Variants in LARGE1 observed in about 807,000 individuals in gnomAD.
The protein encoded by LARGE1 is LARGE xylosyl- and glucuronyltransferase 1.
Under a neutral mutation model 87.6 loss-of-function variants are expected in LARGE1, and 43 were observed. That is an observed-to-expected ratio of 0.49 (90% CI 0.38 to 0.63). The LOEUF (loss-of-function observed/expected upper bound fraction) is 0.63, where lower values mean the gene tolerates loss of function less well. Ranked by LOEUF, LARGE1 falls within the 30% of genes least tolerant of loss-of-function variation. The probability of loss-of-function intolerance (pLI) is 0.00; values close to 1 mark genes in which losing one functional copy is unlikely to be tolerated. For synonymous variants in LARGE1, 434 were observed against 394.6 expected (o/e 1.10, Z -1.18); for missense variants, 802 against 1,000.2 (o/e 0.80, Z 2.67).
At chr22:33,603,936 A>G (rs1192007058) in intron 5 of LARGE1, among the ~76,000 whole-genome samples, 1 of 152,178 alleles carries the variant, frequency 6.6e-6, no homozygotes, top group Non-Finnish European at 1.5e-5. Flanking sequence ...AGCACATTCA[A>G]ATATATTCTC....
At chr22:33,123,103 G>C in the LARGE1 span, among the ~76,000 whole-genome samples, 10 of 152,278 alleles carry the variant, frequency 6.6e-5, no homozygotes, top group African/African-American at 2.2e-4. Context: ...TCTAGCTGGA[G>C]CAGCTAGGAA....
At chr22:33,810,241 C>G (rs1487478754) in intron 1 of LARGE1, among the ~76,000 whole-genome samples, 1 of 152,164 alleles carries the variant, frequency 6.6e-6, no homozygotes, top group Admixed American at 6.5e-5. Context: ...AGAGAGTTTA[C>G]ACTGACCAAG....
chr22:33,432,112 T>C (rs1034316931), intron 7 of LARGE1, 49 bp downstream of exon 7: 1 of 1,426,618 alleles, frequency 7.0e-7, no homozygotes, highest in African/African-American at 1.4e-5. Flanking sequence ...GAGCACTGGG[T>C]CCTCATATCA....
intron 3 of LARGE1, among the ~76,000 whole-genome samples, chr22:33,634,674 A>AAAT (rs139108196): frequency 0.11 from 16,536 of 149,406 alleles, 928 homozygotes; most frequent in Middle Eastern, 0.16. Context: ...AAAAATTTCA[A>AAAT]AATAATAATA....
chr22:33,457,486 T>G (rs937019579), intron 6 of LARGE1, among the ~76,000 whole-genome samples: 4 of 151,706 alleles, frequency 2.6e-5, no homozygotes, highest in Non-Finnish European at 5.9e-5. Flanking sequence ...CAATAAACAT[T>G]TAATCAACAT....
intron 7 of LARGE1, among the ~76,000 whole-genome samples, chr22:33,405,352 A>C (rs1173344327): frequency 6.6e-6 from 1 of 152,168 alleles, no homozygotes; most frequent in African/African-American, 2.4e-5. Context: ...GCCAAGCTGG[A>C]GCCCACATCA....
chr22:33,304,217 G>T lies in LARGE1; in HGVS notation c.1730+12C>A. On this transcript the variant is annotated intron_variant, in intron 12 of 14. Transcript: ENST00000397394. The stretch of plus-strand genomic sequence containing the variant: ...CTTCTGGCCTGATGGCCAGGCCCCT[G>T]CAGGTCCTTACCTGAGGTACTCATA... The T allele has an allele frequency of 6.2e-7, 1 of 1,613,966 alleles. No individual in the cohort carries two copies. Among genetic ancestry groups the T allele is most frequent in the Non-Finnish European group, 8.5e-7 (1 of 1,180,002 alleles).
At chr22:33,331,783 C>T (rs77458388) in intron 10 of LARGE1, among the ~76,000 whole-genome samples, 1,930 of 152,220 alleles carry the variant, frequency 0.013, 49 homozygotes, top group African/African-American at 0.043. Flanking sequence ...AGTGATCATG[C>T]TTGTGTTGGC....
intron 11 of LARGE1, among the ~76,000 whole-genome samples, chr22:33,210,887 T>C (rs1004144604): frequency 1.3e-5 from 2 of 152,230 alleles, no homozygotes; most frequent in African/African-American, 4.8e-5. Context: ...CTTGCATTCA[T>C]TGGCTCTGGC....
chr22:33,789,709 T>G (rs901662848), intron 1 of LARGE1, among the ~76,000 whole-genome samples: 1 of 152,194 alleles, frequency 6.6e-6, no homozygotes, highest in African/African-American at 2.4e-5. Context: ...CTTCGGAGCT[T>G]TAAGATTTAA....
chr22:33,668,914 G>T (rs769370246), intron 2 of LARGE1, among the ~76,000 whole-genome samples: 1 of 152,172 alleles, frequency 6.6e-6, no homozygotes, highest in South Asian at 2.1e-4. Context: ...ATCCTCCCTC[G>T]CAATAATGGA....
At chr22:33,832,916 G>A (rs993691800) in intron 1 of LARGE1, among the ~76,000 whole-genome samples, 1 of 152,234 alleles carries the variant, frequency 6.6e-6, no homozygotes, top group African/African-American at 2.4e-5. Context: ...GACATGGCCT[G>A]GCAGGCACTA....
intron 14 of LARGE1, among the ~76,000 whole-genome samples, chr22:33,275,270 C>T (rs1440257844): frequency 1.3e-5 from 2 of 152,176 alleles, no homozygotes; most frequent in East Asian, 1.9e-4. Context: ...AAATAAAAGG[C>T]CTCTGAATAG....
intron 6 of LARGE1, among the ~76,000 whole-genome samples, chr22:33,490,538 G>A (rs577136542): frequency 6.6e-6 from 1 of 152,174 alleles, no homozygotes; most frequent in South Asian, 2.1e-4. Flanking sequence ...TAGGCCAACT[G>A]TTTTCTAACT....
At chr22:33,848,233 G>A (rs2063488284) in intron 1 of LARGE1, among the ~76,000 whole-genome samples, 1 of 152,172 alleles carries the variant, frequency 6.6e-6, no homozygotes, top group African/African-American at 2.4e-5. Flanking sequence ...ATTAGGAAAA[G>A]ACTAGTTGAA....
At chr22:33,765,937 TATG>T (rs1470280925) in intron 1 of LARGE1, among the ~76,000 whole-genome samples, 6 of 152,166 alleles carry the variant, frequency 3.9e-5, no homozygotes, top group Admixed American at 3.9e-4. Context: ...GTTCCCCTTT[TATG>T]ATAACACAGG....
At chr22:33,067,966 C>T in the LARGE1 span, among the ~76,000 whole-genome samples, 1 of 150,954 alleles carries the variant, frequency 6.6e-6, no homozygotes, top group East Asian at 2.0e-4. Flanking sequence ...GGCGACAATG[C>T]GAGACTGTCT....
chr22:33,622,627 G>A (rs2079790628), intron 4 of LARGE1, among the ~76,000 whole-genome samples: 1 of 152,186 alleles, frequency 6.6e-6, no homozygotes, highest in Non-Finnish European at 1.5e-5. Context: ...CCACTGGGCT[G>A]TACGTAAGGC....
chr22:33,407,981 C>CTTT (rs35056659), intron 7 of LARGE1, among the ~76,000 whole-genome samples: 2 of 139,556 alleles, frequency 1.4e-5, no homozygotes, highest in South Asian at 2.3e-4. Context: ...GGAAGATAAA[C>CTTT]TTTTTTTTTT....
Sources: gnomAD v4.1 joint callset for allele counts (sites outside exome capture counted in the v4.1 genomes callset) on GRCh38, gnomAD v4.1.1 for gene constraint, MANE v1.5 for transcripts, NCBI Gene and HGNC (gene_info 2026-07-23, HGNC 2026-07-21) for gene names.